MCPH1: variants seen among roughly 807,000 people sequenced by gnomAD.
MCPH1 encodes microcephalin 1, also known as microcephalin.
MCPH1 carries 104 observed loss-of-function variants against 84.5 expected under a neutral mutation model. The observed-to-expected ratio is 1.23, with a 90% CI of 1.05 to 1.45. The LOEUF (loss-of-function observed/expected upper bound fraction) is 1.45. Among genes scored for constraint, MCPH1 ranks in the 40% most tolerant of loss-of-function variants. MCPH1 has a pLI of 0.00. For synonymous variants in MCPH1, 514 were observed against 366.8 expected (o/e 1.40, Z -4.58); for missense variants, 1,498 against 1,005.7 (o/e 1.49, Z -6.62).
intron 8 of MCPH1, among the ~76,000 whole-genome samples, chr8:6,450,747 G>C (rs1163615699): frequency 6.6e-6 from 1 of 151,992 alleles, no homozygotes; most frequent in South Asian, 2.1e-4. Flanking sequence ...GGGGTTTTTT[G>C]TTGTTGTTGT....
At chr8:6,635,957 C>G (rs746317280) in intron 13 of MCPH1, among the ~76,000 whole-genome samples, 1 of 152,194 alleles carries the variant, frequency 6.6e-6, no homozygotes, top group Non-Finnish European at 1.5e-5. Context: ...TAAGTCTTCA[C>G]TGTGTTAATG....
intron 13 of MCPH1, chr8:6,625,952 A>C (rs1373486176): frequency 1.0e-6 from 1 of 984,788 alleles, no homozygotes; most frequent in Non-Finnish European, 1.2e-6. Flanking sequence ...CTTTATTATT[A>C]TTAGTATTCT....
chr8:6,520,060 GC>G lies in MCPH1; in HGVS notation c.2214+20133del, dbSNP rs1817023709. On this transcript the variant is annotated intron_variant, in intron 12 of 13. Transcript: ENST00000344683. ...AAGACAAAGACTTGTTATTTCAAGA[GC>G]CAATCATTTGGTGAGTTTTATTACT... The G allele has an allele frequency of 5.8e-6, 9 of 1,558,650 alleles. No individual in the cohort carries two copies. The South Asian group carries it at 1.1e-4, about 18-fold the overall frequency.
intron 13 of MCPH1, among the ~76,000 whole-genome samples, chr8:6,640,034 C>G (rs182529611): frequency 6.7e-6 from 1 of 148,412 alleles, no homozygotes; most frequent in African/African-American, 2.5e-5. Context: ...CCCTGCAATA[C>G]GGCTGGCTTC....
chr8:6,416,140 A>G (rs1405791333), intron 3 of MCPH1, among the ~76,000 whole-genome samples: 1 of 152,152 alleles, frequency 6.6e-6, no homozygotes, highest in African/African-American at 2.4e-5. Context: ...TTGATCTTAT[A>G]CCCTGCAAAT....
rs187669618 is a variant in MCPH1 at position 6,515,136 on chromosome 8, C to G, written c.2214+15207C>G. Among the ~76,000 whole-genome samples, 8 of 152,120 alleles carry G rather than the reference C, an allele frequency of 5.3e-5. No individual in the cohort carries two copies. The South Asian group carries it at 1.7e-3, about 32-fold the overall frequency. On this transcript the variant is annotated intron_variant, in intron 12 of 13. Coordinates refer to ENST00000344683, the MANE Select transcript of MCPH1 (RefSeq NM_024596.5). ...ATGGCACATTTTGGCAGATTGGCCCCGAACCCCACATCTCCATCCTGTAGA... is the reference window on the plus strand; with the variant it reads ...ATGGCACATTTTGGCAGATTGGCCCGGAACCCCACATCTCCATCCTGTAGA...
chr8:6,533,795 G>A (rs1819989583), intron 12 of MCPH1, among the ~76,000 whole-genome samples: 1 of 152,100 alleles, frequency 6.6e-6, no homozygotes, highest in African/African-American at 2.4e-5. Context: ...CATTCGTGGA[G>A]TCAGTCATCA....
At chr8:6,536,781 G>A (rs1820581609) in intron 12 of MCPH1, among the ~76,000 whole-genome samples, 1 of 152,004 alleles carries the variant, frequency 6.6e-6, no homozygotes, top group Admixed American at 6.6e-5. Flanking sequence ...TCATCCACTT[G>A]GATAGACAGA....
At position 6,644,342 on chromosome 8, in the gene MCPH1, G is replaced by C. The variant is rs1197761417; in HGVS notation, c.*1293G>C. ...AGAAATGAAATGCTAGGAAGTCCTAGCCAGAGTGATCAGGCAAGAATAAGC... is the reference window on the plus strand; with the variant it reads ...AGAAATGAAATGCTAGGAAGTCCTACCCAGAGTGATCAGGCAAGAATAAGC... On this transcript the variant is annotated 3_prime_UTR_variant, in exon 14 of 14. Coordinates refer to ENST00000344683, the MANE Select transcript of MCPH1 (RefSeq NM_024596.5). The C allele has an allele frequency of 7.2e-5, 11 of 152,144 alleles. No homozygotes were observed. The highest frequency in any genetic ancestry group is 1.3e-4 in the Non-Finnish European group (9 of 68,034). The allele number at this position is 152,144 out of a possible 1,614,324, so 9.4% of individuals were successfully genotyped here.
At chr8:6,632,185 A>T (rs540827859) in intron 13 of MCPH1, among the ~76,000 whole-genome samples, 1 of 152,338 alleles carries the variant, frequency 6.6e-6, no homozygotes, top group African/African-American at 2.4e-5. Flanking sequence ...AGTAGGCAGG[A>T]AGGGAGTGGA....
At chr8:6,493,632 G>T (rs1810906938) in intron 11 of MCPH1, among the ~76,000 whole-genome samples, 1 of 151,898 alleles carries the variant, frequency 6.6e-6, no homozygotes, top group Admixed American at 6.6e-5. Flanking sequence ...TCTTACTGAA[G>T]TGCAGATCCT....
intron 12 of MCPH1, among the ~76,000 whole-genome samples, chr8:6,540,514 T>G (rs1821347141): frequency 6.6e-6 from 1 of 152,256 alleles, no homozygotes; most frequent in African/African-American, 2.4e-5. Context: ...GCGTGCAGCC[T>G]CATGGCACGT....
At chr8:6,442,686 A>G (rs1803692207) in intron 7 of MCPH1, among the ~76,000 whole-genome samples, 1 of 152,216 alleles carries the variant, frequency 6.6e-6, no homozygotes, top group Non-Finnish European at 1.5e-5. Flanking sequence ...TTAGGATGGT[A>G]ATTTTTCATG....
intron 13 of MCPH1, chr8:6,634,833 T>C (rs1359552230): frequency 6.6e-6 from 1 of 152,244 alleles, no homozygotes; most frequent in East Asian, 1.9e-4. Context: ...TAGTTGAGCC[T>C]GTAACCAGGG....
intron 9 of MCPH1, among the ~76,000 whole-genome samples, chr8:6,470,349 T>C (rs1428009664): frequency 6.6e-6 from 1 of 152,172 alleles, no homozygotes. Context: ...AGTGGCGCGA[T>C]CTCCGCTCAC....
rs544083074 is a variant in MCPH1 at position 6,643,474 on chromosome 8, A to G, written c.*425A>G. 10 of 233,856 alleles carry G rather than the reference A, an allele frequency of 4.3e-5. No individual in the cohort carries two copies. The highest frequency in any genetic ancestry group is 6.8e-5 in the Non-Finnish European group (8 of 117,470). The allele number at this position is 233,856 out of a possible 1,614,324, so 14.5% of individuals were successfully genotyped here. ...GAGACAGGGTTTCGCCATGTTGGCC[A>G]GGCTGGTCTCAAACGCCTGAGCTCA... On this transcript the variant is annotated 3_prime_UTR_variant, in exon 14 of 14. Coordinates refer to ENST00000344683, the MANE Select transcript of MCPH1 (RefSeq NM_024596.5).
chr8:6,460,385 A>T (rs1388717511), intron 9 of MCPH1, among the ~76,000 whole-genome samples: 1 of 150,986 alleles, frequency 6.6e-6, no homozygotes, highest in Admixed American at 6.6e-5. Flanking sequence ...TATTTTTTTT[A>T]ATTATTTTTT....
At chr8:6,613,180 C>T (rs1830444080) in intron 12 of MCPH1, among the ~76,000 whole-genome samples, 1 of 152,156 alleles carries the variant, frequency 6.6e-6, no homozygotes, top group Admixed American at 6.5e-5. Context: ...ACTCCACTGT[C>T]CTCAGTGGGG....
At chr8:6,622,991 C>A (rs1390824136) in intron 13 of MCPH1, among the ~76,000 whole-genome samples, 15 of 151,588 alleles carry the variant, frequency 9.9e-5, no homozygotes, top group African/African-American at 2.9e-4. Context: ...CAGGTGCACA[C>A]CACGATGCCC....
Sources: allele counts gnomAD v4.1 joint callset (sites outside exome capture counted in the v4.1 genomes callset), GRCh38; gene constraint gnomAD v4.1.1; transcripts MANE v1.5; gene names NCBI Gene and HGNC (gene_info 2026-07-23, HGNC 2026-07-21).